ZNF385D: variants seen among roughly 807,000 people sequenced by gnomAD.
ZNF385D encodes the protein zinc finger protein 385D.
Under a neutral mutation model 35.8 loss-of-function variants are expected in ZNF385D, and 15 were observed. That is an observed-to-expected ratio of 0.42 (90% CI 0.28 to 0.64). The LOEUF is 0.64. ZNF385D is among the 30% of genes least tolerant of loss of function. The pLI, the probability that ZNF385D is intolerant of heterozygous loss-of-function variation, is 0.23. For missense variants in ZNF385D, 474 were observed against 494.6 expected (o/e 0.96, Z 0.39); for synonymous variants, 212 against 186.8 (o/e 1.13, Z -1.10).
At chr3:22,066,461 C>CATGTGT (rs1553602038) in intron 3 of ZNF385D, among the ~76,000 whole-genome samples, 1 of 98,112 alleles carries the variant, frequency 1.0e-5, no homozygotes, top group Non-Finnish European at 2.0e-5. Flanking sequence ...GATGGTTCCC[C>CATGTGT]GTGTGTGTGT....
rs576038264 is a variant in ZNF385D, at chr3:22,314,930, G to A, written c.106+57520C>T. 9.2e-5 allele frequency among the ~76,000 whole-genome samples: 14 copies of A among 152,218 alleles called. No homozygotes were observed. In the East Asian group the frequency reaches 2.7e-3, roughly 29 times the overall value. On this transcript the variant is annotated intron_variant, in intron 2 of 5. Transcript: ENST00000494108. Reference sequence around the variant, plus strand: ...GGAAATGTGTAGTACTATGATCAAGGGGAAAATGAATGGATGTGGAGTAAG... The same window carrying A: ...GGAAATGTGTAGTACTATGATCAAGAGGAAAATGAATGGATGTGGAGTAAG...
intron 2 of ZNF385D, among the ~76,000 whole-genome samples, chr3:21,608,009 C>CTTTTTTTTTTT (rs2064535526): frequency 2.4e-5 from 2 of 83,104 alleles, no homozygotes; most frequent in African/African-American, 8.6e-5. Flanking sequence ...AATTCTTTTT[C>CTTTTTTTTTTT]TTCTTTTTTT....
At chr3:22,174,362 A>C (rs1694676600) in intron 2 of ZNF385D, among the ~76,000 whole-genome samples, 1 of 152,208 alleles carries the variant, frequency 6.6e-6, no homozygotes, top group Non-Finnish European at 1.5e-5. Flanking sequence ...TCAAGTTTCT[A>C]AGACAATCTG....
At chr3:21,514,477 G>T (rs907077892) in intron 3 of ZNF385D, among the ~76,000 whole-genome samples, 11 of 152,054 alleles carry the variant, frequency 7.2e-5, no homozygotes, top group African/African-American at 2.4e-4. Flanking sequence ...TGGCCTAAAA[G>T]TTTCCGCATA....
chr3:21,797,321 C>G (rs1200765338), intron 3 of ZNF385D, among the ~76,000 whole-genome samples: 1 of 152,130 alleles, frequency 6.6e-6, no homozygotes, highest in Non-Finnish European at 1.5e-5. Context: ...TGACCAAAAT[C>G]CAGAACACTA....
chr3:21,476,184 C>T (rs9869330), intron 4 of ZNF385D, among the ~76,000 whole-genome samples: 71,183 of 151,844 alleles, frequency 0.47, 17,210 homozygotes, highest in East Asian at 0.83. Context: ...CTTCACTCAA[C>T]TGAAATATAG....
In ZNF385D at chr3:21,564,604, G is replaced by T; in HGVS notation, c.246C>A (p.Cys82Ter). The T allele has an allele frequency of 6.4e-7, 1 of 1,561,770 alleles. No homozygotes were observed. Among genetic ancestry groups the T allele is most frequent in the Non-Finnish European group, 8.7e-7 (1 of 1,153,154 alleles). The change falls in exon 3 of 8, where the codon TGC becomes TGA. Residue 82 changes from cysteine to a stop codon, truncating the protein, a stop_gained. Coordinates refer to ENST00000281523, the MANE Select transcript of ZNF385D (RefSeq NM_024697.3). LOFTEE classifies it high-confidence loss of function. ...LPHRRKQIIS[C>*]NICQLRFNSD... The stretch of plus-strand genomic sequence containing the variant: ...AATTAAATCTCAACTGGCAAATGTT[G>T]CATGATATGATTTGCTTTCTTCGGT...
intron 2 of ZNF385D, among the ~76,000 whole-genome samples, chr3:21,608,012 CTTTT>C (rs368555930): frequency 2.4e-5 from 3 of 123,976 alleles, no homozygotes; most frequent in South Asian, 5.6e-4. Context: ...TCTTTTTCTT[CTTTT>C]TTTTTTGTTT....
intron 1 of ZNF385D, among the ~76,000 whole-genome samples, chr3:21,731,230 C>A (rs1390090627): frequency 3.9e-5 from 6 of 152,128 alleles, no homozygotes; most frequent in African/African-American, 1.2e-4. Context: ...AAGTGAAGGA[C>A]TAGATATAGT....
chr3:22,103,524 G>A (rs1000876282), intron 3 of ZNF385D, among the ~76,000 whole-genome samples: 2 of 152,016 alleles, frequency 1.3e-5, no homozygotes, highest in Non-Finnish European at 2.9e-5. Flanking sequence ...ATGGATGTGG[G>A]AAATTATCTT....
intron 3 of ZNF385D, among the ~76,000 whole-genome samples, chr3:21,860,899 G>T (rs1032653990): frequency 1.3e-5 from 2 of 152,076 alleles, no homozygotes; most frequent in African/African-American, 4.8e-5. Flanking sequence ...CATCCATTTA[G>T]ATTCGATGTC....
At chr3:22,127,636 G>C (rs1026814683) in intron 3 of ZNF385D, among the ~76,000 whole-genome samples, 2 of 151,890 alleles carry the variant, frequency 1.3e-5, no homozygotes, top group African/African-American at 4.8e-5. Context: ...CACCGTGCCT[G>C]GCCCTAAATG....
intron 2 of ZNF385D, among the ~76,000 whole-genome samples, chr3:22,236,491 G>A (rs747476431): frequency 6.6e-6 from 1 of 152,092 alleles, no homozygotes; most frequent in African/African-American, 2.4e-5. Context: ...GTTACCACAT[G>A]CATGAATTGA....
chr3:21,974,300 G>C (rs1703456712), intron 3 of ZNF385D, among the ~76,000 whole-genome samples: 1 of 151,806 alleles, frequency 6.6e-6, no homozygotes, highest in Non-Finnish European at 1.5e-5. Flanking sequence ...TTTCAACAAA[G>C]GTACCAAGAA....
At chr3:21,783,505 G>A (rs1258991932) in intron 3 of ZNF385D, among the ~76,000 whole-genome samples, 1 of 151,924 alleles carries the variant, frequency 6.6e-6, no homozygotes, top group Non-Finnish European at 1.5e-5. Flanking sequence ...ATTTTTTATC[G>A]ACTGCCTACC....
chr3:22,019,034 C>CTTTTTTTTTTTTTTTTTTTTTTTTTT lies in ZNF385D; in HGVS notation c.325+149757_325+149782dup, dbSNP rs11380195. Among the ~76,000 whole-genome samples the CTTTTTTTTTTTTTTTTTTTTTTTTTT allele has an allele frequency of 1.1e-4, 7 of 64,468 alleles. 1 individual carries two copies. Among genetic ancestry groups the CTTTTTTTTTTTTTTTTTTTTTTTTTT allele is most frequent in the African/African-American group, 2.2e-4 (3 of 13,372 alleles). 42.3% of individuals were successfully genotyped at this position (64,468 alleles called of 152,430 possible). On this transcript the variant is annotated intron_variant, in intron 3 of 5. Coordinates refer to the ZNF385D transcript ENST00000494108. ...CAGTTTCATGGATAGAGTTATTTAC[C>CTTTTTTTTTTTTTTTTTTTTTTTTTT]TTTTTTTTTTTTTTTTTTTTTTTTT...
chr3:21,789,538 GCA>G (rs1230974025), intron 3 of ZNF385D, among the ~76,000 whole-genome samples: 8 of 151,982 alleles, frequency 5.3e-5, no homozygotes, highest in Non-Finnish European at 1.2e-4. Context: ...ACATGTGTAA[GCA>G]CACACACATA....
chr3:21,688,874 C>T (rs1328142769), intron 1 of ZNF385D, among the ~76,000 whole-genome samples: 1 of 152,052 alleles, frequency 6.6e-6, no homozygotes, highest in Non-Finnish European at 1.5e-5. Flanking sequence ...TATGTGCATG[C>T]TATGAAATTA....
intron 3 of ZNF385D, among the ~76,000 whole-genome samples, chr3:21,563,575 C>G (rs1051770778): frequency 2.0e-5 from 3 of 152,284 alleles, no homozygotes; most frequent in Non-Finnish European, 4.4e-5. Context: ...TATCTTGCAT[C>G]CTATCTTCGT....
Sources: gnomAD v4.1 joint callset for allele counts (sites outside exome capture counted in the v4.1 genomes callset) on GRCh38, gnomAD v4.1.1 for gene constraint, MANE v1.5 for transcripts, NCBI Gene and HGNC (gene_info 2026-07-23, HGNC 2026-07-21) for gene names.